ELP1: variants seen among roughly 807,000 people sequenced by gnomAD.
ELP1 encodes elongator complex protein 1.
Under a neutral mutation model 183.2 loss-of-function variants are expected in ELP1, and 131 were observed. The observed-to-expected ratio is 0.72, with a 90% CI of 0.62 to 0.83. The LOEUF (loss-of-function observed/expected upper bound fraction) is 0.83, where lower values mean the gene tolerates loss of function less well. Among genes scored for constraint, ELP1 ranks in the 40% least tolerant of loss-of-function variants. The pLI, the probability that ELP1 is intolerant of heterozygous loss-of-function variation, is 0.00. For synonymous variants in ELP1, 555 were observed against 569.0 expected (o/e 0.98, Z 0.35); for missense variants, 1,550 against 1,594.9 (o/e 0.97, Z 0.48).
intron 6 of ELP1, among the ~76,000 whole-genome samples, chr9:108,920,534 G>A (rs930656577): frequency 1.3e-5 from 2 of 152,032 alleles, no homozygotes; most frequent in Non-Finnish European, 2.9e-5. Context: ...TGCCCAACTT[G>A]GCCTCCCAAA....
intron 14 of ELP1, among the ~76,000 whole-genome samples, chr9:108,905,352 G>A (rs1241792159): frequency 2.0e-5 from 3 of 152,154 alleles, no homozygotes; most frequent in Non-Finnish European, 4.4e-5. Context: ...GAAACAAGGA[G>A]TTCTGGGAAC....
chr9:108,874,220 T>G (rs757150997), intron 36 of ELP1, among the ~76,000 whole-genome samples: 1 of 152,218 alleles, frequency 6.6e-6, no homozygotes, highest in Non-Finnish European at 1.5e-5. Context: ...TTTTCAAAGC[T>G]AAGATGCTTC....
chr9:108,912,895 C>CA (rs1305077354), intron 10 of ELP1, among the ~76,000 whole-genome samples: 1 of 150,372 alleles, frequency 6.7e-6, no homozygotes, highest in Non-Finnish European at 1.5e-5. Flanking sequence ...GCTAGGACTA[C>CA]AGGCGCCCAC....
At position 108,896,606 on chromosome 9, in the gene ELP1, CTT is replaced by C. The variant is rs1828556135; in HGVS notation, c.2624_2625del (p.Glu875GlyfsTer13). The C allele has an allele frequency of 6.2e-7, 1 of 1,613,810 alleles. No individual in the cohort carries two copies. Among genetic ancestry groups the C allele is most frequent in the Non-Finnish European group, 8.5e-7 (1 of 1,179,810 alleles). On this transcript the variant is annotated frameshift_variant, in exon 25 of 37. Coordinates refer to ENST00000374647, the MANE Select transcript of ELP1 (RefSeq NM_003640.5). LOFTEE classifies it high-confidence loss of function. The part of the protein sequence containing the change: ...APSDPDAVSA[E>X]EALKYLLHLV... ...AGATGCAGCAAATATTTCAAGGCCT[CTT>C]CAGCACTCACAGCATCAGGATCAGA...
At chr9:108,888,753 C>A (rs940997648) in intron 29 of ELP1, among the ~76,000 whole-genome samples, 12 of 152,220 alleles carry the variant, frequency 7.9e-5, no homozygotes, top group African/African-American at 2.9e-4. Flanking sequence ...AAAACACTCT[C>A]TCATCAAAGG....
chr9:108,914,024 T>C (rs1189539105), intron 10 of ELP1, among the ~76,000 whole-genome samples: 1 of 152,154 alleles, frequency 6.6e-6, no homozygotes, highest in East Asian at 1.9e-4. Context: ...GAAGCCTGAA[T>C]ATCATTTTTT....
intron 6 of ELP1, among the ~76,000 whole-genome samples, chr9:108,922,540 C>T (rs1587919905): frequency 1.3e-5 from 2 of 152,290 alleles, no homozygotes; most frequent in East Asian, 1.9e-4. Flanking sequence ...AGGGGAGGGA[C>T]ATCGGGACGG....
intron 1 of ELP1, among the ~76,000 whole-genome samples, chr9:108,932,781 C>T (rs1438004159): frequency 6.6e-6 from 1 of 152,148 alleles, no homozygotes; most frequent in Non-Finnish European, 1.5e-5. Context: ...GAATATCCTC[C>T]ATATTGCCAC....
intron 5 of ELP1, among the ~76,000 whole-genome samples, chr9:108,925,913 ATT>A: frequency 6.6e-6 from 1 of 152,318 alleles, no homozygotes; most frequent in African/African-American, 2.4e-5. Flanking sequence ...TGTCTAAATG[ATT>A]TCTCAGAGTT....
Position 108,929,931 on chromosome 9 carries a change from A to G in ELP1, c.151-10T>C, listed in dbSNP as rs768610434. The G allele has an allele frequency of 1.9e-5, 30 of 1,612,984 alleles. No individual in the cohort carries two copies. Among genetic ancestry groups the G allele is most frequent in the Non-Finnish European group, 2.5e-5 (29 of 1,179,918 alleles). On this transcript the variant is annotated splice_polypyrimidine_tract_variant and intron_variant, in intron 2 of 36. Coordinates refer to ENST00000374647, the MANE Select transcript of ELP1 (RefSeq NM_003640.5). ...AAACTTCATTTTTCACCTTTCACCA[A>G]AGTAAACACAAGCAAATTAACCCAG...
chr9:108,895,160 C>A (rs1234289721), intron 25 of ELP1, among the ~76,000 whole-genome samples: 1 of 152,078 alleles, frequency 6.6e-6, no homozygotes, highest in African/African-American at 2.4e-5. Flanking sequence ...GCCTAGGAGG[C>A]GTAGGTTGCA....
At chr9:108,888,500 A>G (rs1429087185) in intron 29 of ELP1, among the ~76,000 whole-genome samples, 2 of 152,214 alleles carry the variant, frequency 1.3e-5, no homozygotes, top group African/African-American at 4.8e-5. Flanking sequence ...AAAGATAATG[A>G]CATCTTATCC....
intron 36 of ELP1, among the ~76,000 whole-genome samples, chr9:108,872,313 G>A (rs919002087): frequency 2.0e-5 from 3 of 152,112 alleles, no homozygotes; most frequent in African/African-American, 4.8e-5. Flanking sequence ...TTACAGTAGT[G>A]CAGTACATAC....
intron 10 of ELP1, among the ~76,000 whole-genome samples, chr9:108,914,260 T>A (rs2780336): frequency 1.3e-5 from 2 of 151,182 alleles, no homozygotes; most frequent in Admixed American, 1.3e-4. Flanking sequence ...TTAGCCAGGC[T>A]TGGTGGCGGG....
At chr9:108,917,258 A>G (rs557803679) in intron 9 of ELP1, among the ~76,000 whole-genome samples, 21 of 152,256 alleles carry the variant, frequency 1.4e-4, no homozygotes, top group African/African-American at 4.8e-4. Flanking sequence ...ACCTGAGGTC[A>G]GGGGTTTGAG....
chr9:108,913,434 T>C (rs1363868553), intron 10 of ELP1, among the ~76,000 whole-genome samples: 1 of 152,174 alleles, frequency 6.6e-6, no homozygotes, highest in African/African-American at 2.4e-5. Flanking sequence ...AAGACCTTAG[T>C]TATATTAGGA....
chr9:108,899,681 A>G (rs2131987192), intron 20 of ELP1, 141 bp downstream of exon 20: 2 of 659,134 alleles, frequency 3.0e-6, no homozygotes, highest in Non-Finnish European at 2.6e-6. Flanking sequence ...AAAAAAAAAA[A>G]GAGCCTCTAA....
At chr9:108,930,932 G>A in intron 2 of ELP1, 65 bp downstream of exon 2, 1 of 1,533,078 alleles carries the variant, frequency 6.5e-7, no homozygotes. Flanking sequence ...TGTGGGGAAA[G>A]AAATTTGGAA....
intron 1 of ELP1, among the ~76,000 whole-genome samples, chr9:108,932,967 C>T (rs137907598): frequency 6.4e-4 from 97 of 152,310 alleles, no homozygotes; most frequent in African/African-American, 2.2e-3. Flanking sequence ...TCCCTTGCTC[C>T]TTCGACTATC....
Sources: gnomAD v4.1 joint callset for allele counts (sites outside exome capture counted in the v4.1 genomes callset) on GRCh38, gnomAD v4.1.1 for gene constraint, MANE v1.5 for transcripts, NCBI Gene and HGNC (gene_info 2026-07-23, HGNC 2026-07-21) for gene names.